FAT3: variants seen among roughly 807,000 people sequenced by gnomAD.
FAT3 encodes protocadherin Fat 3.
In FAT3, 95 loss-of-function variants were observed where a neutral mutation model predicts 310.2. That is an observed-to-expected ratio of 0.31 (90% CI 0.26 to 0.36). The LOEUF (loss-of-function observed/expected upper bound fraction) is 0.36. FAT3 is among the 10% of genes least tolerant of loss of function. The probability of loss-of-function intolerance (pLI) is 1.00; values close to 1 mark genes in which losing one functional copy is unlikely to be tolerated. For synonymous variants in FAT3, 2,314 were observed against 2,192.9 expected, an observed-to-expected ratio of 1.06 and a Z score of -1.54; for missense variants, 5,408 against 5,715.6, an observed-to-expected ratio of 0.95 and a Z score of 1.74.
chr11:92,804,215 A>G (rs1377991511), intron 10 of FAT3, among the ~76,000 whole-genome samples: 1 of 151,950 alleles, frequency 6.6e-6, no homozygotes, highest in African/African-American at 2.4e-5. Flanking sequence ...GCCTAGAACA[A>G]TGCCTGGCCC....
At chr11:92,747,895 AC>A (rs1945719602) in intron 4 of FAT3, among the ~76,000 whole-genome samples, 2 of 152,200 alleles carry the variant, frequency 1.3e-5, no homozygotes, top group African/African-American at 4.8e-5. Flanking sequence ...TTTTGGTCAA[AC>A]CCATTCAGCA....
intron 3 of FAT3, among the ~76,000 whole-genome samples, chr11:92,558,088 G>T (rs992548800): frequency 2.0e-5 from 3 of 152,122 alleles, no homozygotes; most frequent in African/African-American, 7.2e-5. Context: ...CCTATAAAGC[G>T]CATCTTTCTT....
At chr11:92,237,915 T>G (rs1864497322) in intron 1 of FAT3, among the ~76,000 whole-genome samples, 1 of 151,958 alleles carries the variant, frequency 6.6e-6, no homozygotes, top group Admixed American at 6.6e-5. Context: ...AAGAAGAAAA[T>G]AGCTATGATT....
intron 1 of FAT3, among the ~76,000 whole-genome samples, chr11:92,280,048 T>G (rs2134360936): frequency 1.3e-5 from 2 of 152,290 alleles, no homozygotes; most frequent in South Asian, 4.1e-4. Flanking sequence ...TCAACTAATC[T>G]TTTCCTACAA....
chr11:92,762,204 TG>T (rs754994808), intron 5 of FAT3, 34 bp downstream of exon 5: 6 of 1,563,574 alleles, frequency 3.8e-6, no homozygotes, highest in African/African-American at 2.7e-5. Context: ...GCACAGCAGA[TG>T]GGGGGAAGTG....
chr11:92,322,781 C>A (rs1419601077), intron 1 of FAT3, among the ~76,000 whole-genome samples: 1 of 152,200 alleles, frequency 6.6e-6, no homozygotes, highest in Non-Finnish European at 1.5e-5. Context: ...GTTACATCTT[C>A]AGGTTCCACT....
At chr11:92,527,898 A>C (rs1017145953) in intron 3 of FAT3, among the ~76,000 whole-genome samples, 2 of 152,336 alleles carry the variant, frequency 1.3e-5, no homozygotes, top group East Asian at 1.9e-4. Flanking sequence ...GGAAAGATTT[A>C]TGCTTTAGAT....
At chr11:92,242,308 T>G (rs1438649923) in intron 1 of FAT3, among the ~76,000 whole-genome samples, 4 of 152,090 alleles carry the variant, frequency 2.6e-5, no homozygotes, top group Non-Finnish European at 5.9e-5. Context: ...AGACATCTGA[T>G]AAAGACAGGT....
At chr11:92,462,018 C>A (rs1049848855) in intron 2 of FAT3, among the ~76,000 whole-genome samples, 1 of 152,144 alleles carries the variant, frequency 6.6e-6, no homozygotes, top group African/African-American at 2.4e-5. Context: ...GTCTTAGGAT[C>A]AGAATCTCGT....
rs1306541070 is a variant in FAT3 at position 92,883,212 on chromosome 11, C to A, written c.12756C>A (p.Ile4252=). ...QSDSRSNLDK[I]VDGLGGEHQE... is the part of the protein sequence containing the mutation. The stretch of plus-strand genomic sequence containing the variant: ...ACTCCAGGAGCAACCTGGATAAGAT[C>A]GTGGACGGGCTGGGAGGCGAGCACC... Residue 4252 remains isoleucine, a synonymous_variant, in exon 24 of 28, where the codon ATC becomes ATA. Coordinates refer to ENST00000525166, the MANE Select transcript of FAT3 (RefSeq NM_001367949.2). The surrounding 1 kb of genome is among the most constrained non-coding windows in gnomAD (Gnocchi z 4.2). 1 of 1,613,212 alleles carries A rather than the reference C, an allele frequency of 6.2e-7. No homozygotes were observed. The highest frequency in any genetic ancestry group is 8.5e-7 in the Non-Finnish European group (1 of 1,179,850).
chr11:92,680,643 A>C (rs1943456084), intron 3 of FAT3, among the ~76,000 whole-genome samples: 1 of 152,208 alleles, frequency 6.6e-6, no homozygotes, highest in Non-Finnish European at 1.5e-5. Flanking sequence ...AAAAAATTAA[A>C]TGTACTTAAT....
intron 4 of FAT3, among the ~76,000 whole-genome samples, chr11:92,758,876 A>C (rs1946072125): frequency 6.6e-6 from 1 of 152,128 alleles, no homozygotes. Context: ...AGTGTGCACC[A>C]GTGTGTGAGT....
chr11:92,369,527 T>C (rs1949127530), intron 2 of FAT3, among the ~76,000 whole-genome samples: 1 of 151,910 alleles, frequency 6.6e-6, no homozygotes, highest in Admixed American at 6.6e-5. Context: ...CTGGAGGAGG[T>C]GCCCTGGAAA....
intron 2 of FAT3, among the ~76,000 whole-genome samples, chr11:92,457,825 G>A (rs954822488): frequency 1.3e-5 from 2 of 152,188 alleles, no homozygotes; most frequent in Non-Finnish European, 2.9e-5. Context: ...AGGAGGCTGA[G>A]GCAGGAGAAT....
At chr11:92,727,815 G>A (rs190850761) in intron 4 of FAT3, among the ~76,000 whole-genome samples, 117 of 152,284 alleles carry the variant, frequency 7.7e-4, no homozygotes, top group South Asian at 4.6e-3. Context: ...TTACCTGCAG[G>A]CTCCAGTCTT....
At chr11:92,865,609 C>T (rs897293320) in intron 21 of FAT3, among the ~76,000 whole-genome samples, 3 of 152,228 alleles carry the variant, frequency 2.0e-5, no homozygotes, top group African/African-American at 7.2e-5. Flanking sequence ...CTGTGAATCC[C>T]TTCATGACCA....
chr11:92,506,088 C>T (rs1475347271), intron 2 of FAT3, among the ~76,000 whole-genome samples: 1 of 152,142 alleles, frequency 6.6e-6, no homozygotes, highest in East Asian at 1.9e-4. Flanking sequence ...TCAGAACTGA[C>T]CTCAAAACCA....
rs759436639 is a variant in FAT3 at position 92,798,482 on chromosome 11, T to C, written c.5469T>C (p.Phe1823=). The change falls in exon 10 of 28, where the codon TTT becomes TTC. Residue 1823 remains phenylalanine (F), a synonymous_variant. Coordinates refer to ENST00000525166, the MANE Select transcript of FAT3 (RefSeq NM_001367949.2). ...YQIVESTAKK[F]FTVDSSTGAI... ...TTGTGGAGTCAACAGCAAAAAAGTT[T>C]TTCACGGTGGACTCCAGTACAGGTG... The C allele has an allele frequency of 4.0e-5, 65 of 1,613,590 alleles. No homozygotes were observed. In the Middle Eastern group the frequency reaches 4.9e-4, roughly 12 times the overall value.
chr11:92,385,818 G>A (rs564985747), intron 2 of FAT3, among the ~76,000 whole-genome samples: 6 of 152,162 alleles, frequency 3.9e-5, no homozygotes, highest in Non-Finnish European at 2.9e-5. Flanking sequence ...TTTACTGGAG[G>A]AAAAGTAGAA....
Sources: gnomAD v4.1 joint callset for allele counts (sites outside exome capture counted in the v4.1 genomes callset) on GRCh38, gnomAD v4.1.1 for gene constraint, Gnocchi (gnomAD v3.1) non-coding constraint, MANE v1.5 for transcripts, NCBI Gene and HGNC (gene_info 2026-07-23, HGNC 2026-07-21) for gene names.